Variants in MUS81 observed in about 807,000 individuals in gnomAD.
MUS81 encodes the protein structure-specific endonuclease subunit MUS81.
A neutral mutation model predicts 74.2 loss-of-function variants in MUS81; 69 were observed. The observed-to-expected ratio is 0.93, with a 90% CI of 0.77 to 1.14. The LOEUF (loss-of-function observed/expected upper bound fraction) is 1.14, where lower values mean the gene tolerates loss of function less well. Among genes scored for constraint, MUS81 ranks in the 50% most tolerant of loss-of-function variants. MUS81 has a pLI of 0.00. For missense variants in MUS81, 711 were observed against 726.5 expected, an observed-to-expected ratio of 0.98 and a Z score of 0.25; for synonymous variants, 303 against 300.6, an observed-to-expected ratio of 1.01 and a Z score of -0.08.
rs545934672 is a variant in MUS81 at position 65,860,706 on chromosome 11, G to C, written c.-48G>C. On this transcript the variant is annotated 5_prime_UTR_variant, in exon 1 of 16. Coordinates refer to ENST00000308110, the MANE Select transcript of MUS81 (RefSeq NM_025128.5). Reference sequence around the variant, plus strand: ...GAATCCCGACTCCAGAACTGGCGGCGTCCCAGTCCCGCGGGCGTGGAGCGC... The same window carrying C: ...GAATCCCGACTCCAGAACTGGCGGCCTCCCAGTCCCGCGGGCGTGGAGCGC... 6 of 1,532,246 alleles carry C rather than the reference G, an allele frequency of 3.9e-6. No homozygotes were observed. The highest frequency in any genetic ancestry group is 5.2e-6 in the Non-Finnish European group (6 of 1,145,562). The allele number at this position is 1,532,246 out of a possible 1,614,324, so 94.9% of individuals were successfully genotyped here.
chr11:65,860,830 C>G lies in MUS81; in HGVS notation c.77C>G (p.Thr26Ser). The G allele has an allele frequency of 6.4e-7, 1 of 1,551,540 alleles. No individual in the cohort carries two copies. The highest frequency in any genetic ancestry group is 8.7e-7 in the Non-Finnish European group (1 of 1,150,482). Residue 26 changes from threonine to serine, a missense_variant, in exon 1 of 16, where the codon ACC becomes AGC. Thr to Ser is a moderately conservative substitution (Grantham distance 58, BLOSUM62 1). Coordinates refer to ENST00000308110, the MANE Select transcript of MUS81 (RefSeq NM_025128.5). ...AACCCGCTCTTCGTTCGCTGGCTGA[C>G]CGAGTGGCGGGACGAGGCGACCCGC... ...CPNPLFVRWL[T>S]EWRDEATRSR... is the part of the protein sequence containing the mutation.
At position 65,865,227 on chromosome 11, in the gene MUS81, C is replaced by T. The variant is rs34962862; in HGVS notation, c.1409C>T (p.Ser470Leu). The change falls in exon 14 of 16, where the codon TCG becomes TTG. Residue 470 changes from serine (S) to leucine (L), a missense_variant. Coordinates refer to ENST00000308110, the MANE Select transcript of MUS81 (RefSeq NM_025128.5). ...NAGAIKNKAQ[S>L]VREVFARQLM... ...GCCCTTTCCCGAACCCAGGCCCAGT[C>T]GGTGCGAGAAGTGTTTGCCCGGCAG... 6.5e-4 allele frequency: 1,051 copies of T among 1,614,128 alleles called. 11 individuals are homozygous for T. The African/African-American group carries it at 0.013, about 20-fold the overall frequency.
At chr11:65,864,442 C>T in intron 10 of MUS81, 55 bp from the exon 11 acceptor site, 2 of 1,482,544 alleles carry the variant, frequency 1.3e-6, no homozygotes, top group Non-Finnish European at 1.9e-6. Context: ...CATGGATGCC[C>T]AGGCATGTGG....
In MUS81 at chr11:65,861,947, G is replaced by T. The variant is rs762166588; in HGVS notation, c.352G>T (p.Val118Phe). The change falls in exon 4 of 16, where the codon GTT becomes TTT. Residue 118 changes from valine (V) to phenylalanine (F), a missense_variant and splice_region_variant. Physicochemically the swap from Val to Phe is conservative, Grantham distance 50 (BLOSUM62 -1). Coordinates refer to ENST00000308110, the MANE Select transcript of MUS81 (RefSeq NM_025128.5). ...TTCAGAACTCCTCTGTACCTTTCAGGTTCCTGCCCAGCCCAAAGCGGGAGG... is the reference window on the plus strand; with the variant it reads ...TTCAGAACTCCTCTGTACCTTTCAGTTTCCTGCCCAGCCCAAAGCGGGAGG... ...LAEVQDSSMP[V>F]PAQPKAGGSG... The T allele has an allele frequency of 1.9e-6, 3 of 1,607,146 alleles. No homozygotes were observed. The highest frequency in any genetic ancestry group is 2.5e-6 in the Non-Finnish European group (3 of 1,177,258).
chr11:65,861,843 TGA>T (rs1252791528), intron 3 of MUS81, 102 bp from the exon 4 acceptor site: 6 of 870,850 alleles, frequency 6.9e-6, no homozygotes, highest in Non-Finnish European at 8.9e-6. Flanking sequence ...AGAAGGAAAC[TGA>T]GAGACAACTG....
rs749113036 is a variant in MUS81 at position 65,863,120 on chromosome 11, G to C, written c.661G>C (p.Gly221Arg). Reference sequence around the variant, plus strand: ...GGCCCAGAAGTTGGCCGAGTCAGAAGGCCTGAGCTTGCTGAATGTGGGCAT... The same window carrying C: ...GGCCCAGAAGTTGGCCGAGTCAGAACGCCTGAGCTTGCTGAATGTGGGCAT... ...ELAQKLAESE[G>R]LSLLNVGIGP... Residue 221 changes from glycine (G) to arginine (R), a missense_variant, in exon 7 of 16, where the codon GGC (glycine) becomes CGC (arginine). By Grantham distance (125) the Gly-to-Arg change is moderately radical (BLOSUM62 -2). Transcript: ENST00000308110. 3.7e-6 allele frequency: 6 copies of C among 1,614,064 alleles called. No homozygotes were observed. In the African/African-American group the frequency reaches 8.0e-5, roughly 22 times the overall value.
In MUS81 at chr11:65,860,709, C is replaced by G. The variant is rs1027023719; in HGVS notation, c.-45C>G. 5.9e-6 allele frequency: 9 copies of G among 1,532,626 alleles called. No homozygotes were observed. The highest frequency in any genetic ancestry group is 7.9e-6 in the Non-Finnish European group (9 of 1,145,692). 94.9% of individuals were successfully genotyped at this position (1,532,626 alleles called of 1,614,324 possible). A position where few individuals can be genotyped will look rare whatever the true frequency, so the allele number is the denominator to read the frequency against. The stretch of plus-strand genomic sequence containing the variant: ...TCCCGACTCCAGAACTGGCGGCGTC[C>G]CAGTCCCGCGGGCGTGGAGCGCCGG... On this transcript the variant is annotated 5_prime_UTR_variant, in exon 1 of 16. Transcript: ENST00000308110.
Position 65,863,499 on chromosome 11 carries a change from G to C in MUS81, c.836G>C (p.Arg279Pro), listed in dbSNP as rs143145862. 6.4e-5 allele frequency: 103 copies of C among 1,614,024 alleles called. No homozygotes were observed. The highest frequency in any genetic ancestry group is 1.7e-5 in the Admixed American group (1 of 60,004). ...VLLCVDIGET[R>P]GGGHRPELLR... Reference sequence around the variant, plus strand: ...TTGTGTGTGGACATTGGCGAGACCCGGGGGTGAGTGAGGTGGGGAGAAACG... The same window carrying C: ...TTGTGTGTGGACATTGGCGAGACCCCGGGGTGAGTGAGGTGGGGAGAAACG... The change falls in exon 8 of 16, where the codon CGG becomes CCG. Residue 279 changes from arginine (R) to proline (P), a missense_variant. By Grantham distance (103) the Arg-to-Pro change is moderately radical. Transcript: ENST00000308110.
chr11:65,865,591 G>A, intron 14 of MUS81: 2 of 630,022 alleles, frequency 3.2e-6, no homozygotes, highest in Non-Finnish European at 5.5e-6. Flanking sequence ...CCATTAAGGG[G>A]AGTGAGGGTG....
At chr11:65,867,029 G>A (rs767083801), downstream of MUS81, 4 of 1,614,042 alleles carry the variant, frequency 2.5e-6, no homozygotes, top group African/African-American at 1.3e-5. Flanking sequence ...ACTCCCGGGG[G>A]CCCGTCACCG....
At chr11:65,863,336 C>G in intron 7 of MUS81, 74 bp from the exon 8 acceptor site, 10 of 1,594,502 alleles carry the variant, frequency 6.3e-6, no homozygotes, top group Non-Finnish European at 8.5e-6. Context: ...TGGTGGGTGT[C>G]GGGTGGCATG....
upstream of MUS81, chr11:65,860,191 C>A: frequency 2.2e-6 from 1 of 448,114 alleles, no homozygotes; most frequent in Non-Finnish European, 4.5e-6. Flanking sequence ...GGGTGTCCCT[C>A]CCACCAATAC....
intron 14 of MUS81, 41 bp downstream of exon 14, chr11:65,865,364 C>T (rs750986565): frequency 1.3e-6 from 2 of 1,572,892 alleles, no homozygotes; most frequent in South Asian, 2.3e-5. Context: ...AGCCCCTGCC[C>T]TCCATGCATG....
chr11:65,860,580 G>T lies in MUS81; in HGVS notation c.-174G>T. ...CGCAGGGGTGGGAGGGCGGCCGCAG[G>T]CTCTCCTCTCGTTAGTGCCCCCTGT... is the stretch of plus-strand genomic sequence containing the variant. On this transcript the variant is annotated 5_prime_UTR_variant, in exon 1 of 16. Transcript: ENST00000308110. 1 of 819,998 alleles carries T rather than the reference G, an allele frequency of 1.2e-6. No homozygotes were observed. Among genetic ancestry groups the T allele is most frequent in the Non-Finnish European group, 1.9e-6 (1 of 520,218 alleles). 50.8% of individuals were successfully genotyped at this position (819,998 alleles called of 1,614,324 possible).
rs1310620349 is a variant in MUS81 at position 65,860,640 on chromosome 11, C to A, written c.-114C>A. 2.3e-5 allele frequency: 33 copies of A among 1,439,260 alleles called. No homozygotes were observed. The highest frequency in any genetic ancestry group is 2.8e-5 in the Non-Finnish European group (30 of 1,063,328). 89.2% of individuals were successfully genotyped at this position (1,439,260 alleles called of 1,614,324 possible). A position where few individuals can be genotyped will look rare whatever the true frequency, so the allele number is the denominator to read the frequency against. On this transcript the variant is annotated 5_prime_UTR_variant, in exon 1 of 16. Transcript: ENST00000308110. Reference sequence around the variant, plus strand: ...CCCGTGATCTCAACGGTCCTGCCCTCGGTCTCCCTCTTCCCCCGCCCCGCC... The same window carrying A: ...CCCGTGATCTCAACGGTCCTGCCCTAGGTCTCCCTCTTCCCCCGCCCCGCC...
chr11:65,865,205 C>G lies in MUS81; in HGVS notation c.1402-15C>G, dbSNP rs1344827114. On this transcript the variant is annotated splice_polypyrimidine_tract_variant and intron_variant, in intron 13 of 15. Transcript: ENST00000308110. ...GGCCCAGACCCCCACTGATCCAGCCCTTTCCCGAACCCAGGCCCAGTCGGT... is the reference window on the plus strand; with the variant it reads ...GGCCCAGACCCCCACTGATCCAGCCGTTTCCCGAACCCAGGCCCAGTCGGT... 6.2e-7 allele frequency: 1 copy of G among 1,614,042 alleles called. No individual in the cohort carries two copies. Among genetic ancestry groups the G allele is most frequent in the African/African-American group, 1.3e-5 (1 of 74,932 alleles).
In MUS81 at chr11:65,861,388, C is replaced by G; in HGVS notation, c.304C>G (p.Pro102Ala). The change falls in exon 3 of 16, where the codon CCA (proline) becomes GCA (alanine). Residue 102 changes from proline (P) to alanine (A), a missense_variant. Physicochemically the swap from Pro to Ala is conservative, Grantham distance 27. Transcript: ENST00000308110. ...GGACTCACCATCTGGAGAGAACAGT[C>G]CAGCCCCGCAGGGGCGACTTGCGGA... ...APDSPSGENSPAPQGRLAEVQ... is the reference protein window; with the variant it reads ...APDSPSGENSAAPQGRLAEVQ... 3 of 1,603,654 alleles carry G rather than the reference C, an allele frequency of 1.9e-6. No individual in the cohort carries two copies. Among genetic ancestry groups the G allele is most frequent in the Non-Finnish European group, 2.6e-6 (3 of 1,174,114 alleles).
At position 65,863,628 on chromosome 11, in the gene MUS81, G is replaced by A. The variant is rs773713789; in HGVS notation, c.868G>A (p.Glu290Lys). 1.1e-5 allele frequency: 18 copies of A among 1,613,920 alleles called. No homozygotes were observed. The highest frequency in any genetic ancestry group is 1.4e-5 in the Non-Finnish European group (17 of 1,180,002). Reference protein sequence around the residue: ...GGGHRPELLRELQRLHVTHTV... With the variant: ...GGGHRPELLRKLQRLHVTHTV... ...CGGGCACAGGCCGGAGCTGCTCCGAGAGCTACAGCGGCTGCACGTGACCCA... is the reference window on the plus strand; with the variant it reads ...CGGGCACAGGCCGGAGCTGCTCCGAAAGCTACAGCGGCTGCACGTGACCCA... Residue 290 changes from glutamate (E) to lysine (K), a missense_variant, in exon 9 of 16, where the codon GAG (glutamate) becomes AAG (lysine). By Grantham distance (56) the Glu-to-Lys change is moderately conservative. Transcript: ENST00000308110.
downstream of MUS81, chr11:65,866,826 T>G (rs749830598): frequency 9.8e-6 from 15 of 1,525,750 alleles, no homozygotes; most frequent in African/African-American, 1.4e-5. Context: ...CACCAGGACT[T>G]TCTTTCTCCC....
Sources: gnomAD v4.1 joint callset for allele counts on GRCh38, gnomAD v4.1.1 for gene constraint, MANE v1.5 for transcripts, NCBI Gene and HGNC (gene_info 2026-07-23, HGNC 2026-07-21) for gene names.